The following SAP130 variants were observed in gnomAD, a reference collection of about 807,000 sequenced individuals.
SAP130 encodes the protein Sin3A associated protein 130, also known as histone deacetylase complex subunit SAP130.
A neutral mutation model predicts 103.2 loss-of-function variants in SAP130; 16 were observed. The observed-to-expected ratio is 0.16, with a 90% CI of 0.10 to 0.24. The LOEUF is 0.24. Ranked by LOEUF, SAP130 falls within the 10% of genes least tolerant of loss-of-function variation. The pLI, the probability that SAP130 is intolerant of heterozygous loss-of-function variation, is 1.00. For missense variants in SAP130, 990 were observed against 1,359.7 expected, an observed-to-expected ratio of 0.73 and a Z score of 4.28; for synonymous variants, 477 against 497.0, an observed-to-expected ratio of 0.96 and a Z score of 0.53.
At chr2:127,952,564 T>C (rs1312909544) in intron 16 of SAP130, among the ~76,000 whole-genome samples, 1 of 152,034 alleles carries the variant, frequency 6.6e-6, no homozygotes, top group African/African-American at 2.4e-5. Flanking sequence ...TCTCTATCTC[T>C]CCTGGCTTTC....
At chr2:127,958,001 G>A (rs1272997364) in intron 15 of SAP130, among the ~76,000 whole-genome samples, 3 of 152,210 alleles carry the variant, frequency 2.0e-5, no homozygotes, top group East Asian at 1.9e-4. Context: ...TTTTCAGACT[G>A]AAGAGACCAC....
intron 7 of SAP130, 100 bp downstream of exon 7, chr2:128,010,169 A>G (rs80239272): frequency 2.3e-6 from 3 of 1,290,136 alleles, no homozygotes; most frequent in Non-Finnish European, 3.2e-6. Flanking sequence ...AAAAAAAAAA[A>G]GCCACTCAAT....
chr2:127,954,733 G>A (rs1377449215), intron 16 of SAP130, among the ~76,000 whole-genome samples: 1 of 152,138 alleles, frequency 6.6e-6, no homozygotes, highest in East Asian at 1.9e-4. Context: ...GGATATCCAT[G>A]GGGAAATATT....
chr2:128,003,040 T>C (rs528194613), intron 7 of SAP130, among the ~76,000 whole-genome samples: 1 of 151,682 alleles, frequency 6.6e-6, no homozygotes, highest in East Asian at 2.0e-4. Context: ...AGTGGGAGGA[T>C]CGCTTGAGAG....
intron 15 of SAP130, among the ~76,000 whole-genome samples, chr2:127,956,447 G>C (rs531874385): frequency 6.6e-6 from 1 of 151,862 alleles, no homozygotes; most frequent in East Asian, 1.9e-4. Context: ...TGCATTTGGC[G>C]TTGAAAGTTG....
intron 13 of SAP130, among the ~76,000 whole-genome samples, chr2:127,988,054 A>G (rs1434112783): frequency 3.3e-5 from 5 of 152,168 alleles, no homozygotes; most frequent in Admixed American, 1.3e-4. Flanking sequence ...TCTATCATAG[A>G]CATTTAGTTT....
chr2:127,950,029 A>T (rs1458123281), intron 17 of SAP130, 35 bp from the exon 18 acceptor site: 1 of 1,612,012 alleles, frequency 6.2e-7, no homozygotes, highest in Non-Finnish European at 8.5e-7. Context: ...ACTTAGTAAC[A>T]CTGTCAACAA....
At chr2:127,947,754 TTGTGTGTGTCTGTGTGTG>T (rs951644408) in intron 18 of SAP130, among the ~76,000 whole-genome samples, 2 of 28,640 alleles carry the variant, frequency 7.0e-5, no homozygotes, top group African/African-American at 1.6e-4. Context: ...TAATTTTGTA[TTGTGTGTGTCTGTGTGTG>T]TGTGTGTGTG....
intron 1 of SAP130, among the ~76,000 whole-genome samples, chr2:128,027,715 A>G (rs1323741062): frequency 3.6e-4 from 44 of 121,060 alleles, no homozygotes; most frequent in African/African-American, 1.4e-3. Context: ...GGGTCAGCCC[A>G]CCCCTCCCGG....
intron 12 of SAP130, among the ~76,000 whole-genome samples, chr2:127,991,900 C>T (rs1408116064): frequency 4.6e-5 from 7 of 152,306 alleles, no homozygotes; most frequent in Admixed American, 3.3e-4. Context: ...CCACACATGC[C>T]GCTGGCTGCC....
chr2:127,984,600 A>T (rs1241454772), intron 14 of SAP130, among the ~76,000 whole-genome samples: 2 of 152,166 alleles, frequency 1.3e-5, no homozygotes, highest in African/African-American at 4.8e-5. Flanking sequence ...CTTGGGCTGG[A>T]TAGACTCCCC....
At chr2:127,949,424 C>T (rs1679339541) in intron 18 of SAP130, among the ~76,000 whole-genome samples, 3 of 152,206 alleles carry the variant, frequency 2.0e-5, no homozygotes, top group South Asian at 4.1e-4. Context: ...ACTCCAAGAG[C>T]GTTGCATATT....
chr2:128,019,608 G>A lies in SAP130; in HGVS notation c.113-1693C>T, dbSNP rs559913725. ...AGTATTTAAAAATTCAGTGGAGGCC[G>A]GGCGTGGTGGTTCACGCCTGTAATC... is the stretch of plus-strand genomic sequence containing the variant. On this transcript the variant is annotated intron_variant, in intron 2 of 20. Coordinates refer to ENST00000643581, the MANE Select transcript of SAP130 (RefSeq NM_001330301.2). Among the ~76,000 whole-genome samples, 214 of 152,226 alleles carry A rather than the reference G, an allele frequency of 1.4e-3. 1 individual carries two copies. The highest frequency in any genetic ancestry group is 3.6e-3 in the Admixed American group (55 of 15,282).
chr2:127,941,941 A>AACCTCCCCC lies in SAP130; in HGVS notation c.*64_*65insGGGGGAGGT. On this transcript the variant is annotated 3_prime_UTR_variant, in exon 21 of 21. Coordinates refer to ENST00000643581, the MANE Select transcript of SAP130 (RefSeq NM_001330301.2). ...ATGTTCCACTTTGGAAAAAACCAAA[A>AACCTCCCCC]CCCTCCCCCCACCCCCACCATCATT... 1 of 276,730 alleles carries AACCTCCCCC rather than the reference A, an allele frequency of 3.6e-6. No homozygotes were observed. 17.1% of individuals were successfully genotyped at this position (276,730 alleles called of 1,614,324 possible). A position where few individuals can be genotyped will look rare whatever the true frequency, so the allele number is the denominator to read the frequency against.
At chr2:127,998,695 C>T (rs1166920263) in intron 10 of SAP130, among the ~76,000 whole-genome samples, 1 of 152,198 alleles carries the variant, frequency 6.6e-6, no homozygotes, top group Admixed American at 6.5e-5. Context: ...AGTGGGATCT[C>T]TTAGGAAGAT....
rs992197742 is a variant in SAP130 at position 127,996,383 on chromosome 2, T to C, written c.1322A>G (p.Asn441Ser). The change falls in exon 11 of 21, where the codon AAT (asparagine) becomes AGT (serine). Residue 441 changes from asparagine (N) to serine (S), a missense_variant. By Grantham distance (46) the Asn-to-Ser change is conservative (BLOSUM62 1). Around this residue, in one of 6 missense-constraint regions of SAP130, gnomAD observed 336 missense variants for 520.1 expected, o/e 0.65. Coordinates refer to ENST00000643581, the MANE Select transcript of SAP130 (RefSeq NM_001330301.2). This position sits in a 1 kb window ranked among gnomAD's most constrained non-coding sequence, Gnocchi z 4.3. Reference sequence around the variant, plus strand: ...ACTTCGGGTTTCCATGGCCACAGGATTGGGAGAGGCCCGATGTCCGGAGAT... The same window carrying C: ...ACTTCGGGTTTCCATGGCCACAGGACTGGGAGAGGCCCGATGTCCGGAGAT... ...IPISGHRASP[N>S]PVAMETRSDN... is the part of the protein sequence containing the mutation. The C allele has an allele frequency of 5.0e-6, 8 of 1,611,222 alleles. No individual in the cohort carries two copies. Among genetic ancestry groups the C allele is most frequent in the East Asian group, 2.2e-5 (1 of 44,664 alleles).
chr2:128,023,631 T>A (rs1381188254), intron 2 of SAP130, among the ~76,000 whole-genome samples: 1 of 151,940 alleles, frequency 6.6e-6, no homozygotes, highest in African/African-American at 2.4e-5. Context: ...ATACAAAAAA[T>A]TAGCCGGGCA....
chr2:128,021,371 C>T (rs1257253388), intron 2 of SAP130, among the ~76,000 whole-genome samples: 3 of 148,350 alleles, frequency 2.0e-5, no homozygotes, highest in Admixed American at 1.4e-4. Context: ...TGCTTGAACC[C>T]GGGAGGTGGA....
intron 12 of SAP130, 29 bp downstream of exon 12, chr2:127,993,158 A>G: frequency 1.2e-6 from 2 of 1,612,826 alleles, no homozygotes; most frequent in Non-Finnish European, 1.7e-6. Context: ...TTAAACTGTG[A>G]AAAGTCATCT....
Sources: gnomAD v4.1 joint callset for allele counts (sites outside exome capture counted in the v4.1 genomes callset) on GRCh38, gnomAD v4.1.1 for gene constraint, gnomAD v4.1.1 regional missense constraint, Gnocchi (gnomAD v3.1) non-coding constraint, MANE v1.5 for transcripts, NCBI Gene and HGNC (gene_info 2026-07-23, HGNC 2026-07-21) for gene names.